Variants in PTPN4 observed in about 807,000 individuals in gnomAD.
The protein encoded by PTPN4 is tyrosine-protein phosphatase non-receptor type 4.
Under a neutral mutation model 135.5 loss-of-function variants are expected in PTPN4, and 49 were observed. The ratio of observed to expected loss-of-function variants is 0.36; its 90% CI spans 0.29 to 0.46. PTPN4 has a LOEUF of 0.46. Among genes scored for constraint, PTPN4 ranks in the 20% least tolerant of loss-of-function variants. The probability of loss-of-function intolerance (pLI) is 1.00; values close to 1 mark genes in which losing one functional copy is unlikely to be tolerated. For missense variants in PTPN4, 860 were observed against 1,101.0 expected, an observed-to-expected ratio of 0.78 and a Z score of 3.10; for synonymous variants, 333 against 369.9, an observed-to-expected ratio of 0.90 and a Z score of 1.14.
chr2:119,979,133 A>G lies in PTPN4; in HGVS notation c.*2063A>G, dbSNP rs1361317923. The G allele has an allele frequency of 2.0e-5, 3 of 152,092 alleles. No homozygotes were observed. The highest frequency in any genetic ancestry group is 4.4e-5 in the Non-Finnish European group (3 of 67,954). 9.4% of individuals were successfully genotyped at this position (152,092 alleles called of 1,614,324 possible). Reference sequence around the variant, plus strand: ...ATGACATGATAAATTAAAAACTGAGAAAGTAAAATTATGTCGGGGTCTACA... The same window carrying G: ...ATGACATGATAAATTAAAAACTGAGGAAGTAAAATTATGTCGGGGTCTACA... On this transcript the variant is annotated 3_prime_UTR_variant, in exon 27 of 27. Coordinates refer to ENST00000263708, the MANE Select transcript of PTPN4 (RefSeq NM_002830.4).
At chr2:119,928,468 A>G (rs934802444) in intron 13 of PTPN4, among the ~76,000 whole-genome samples, 1 of 152,134 alleles carries the variant, frequency 6.6e-6, no homozygotes, top group African/African-American at 2.4e-5. Context: ...AATCAAATGC[A>G]TGAGATAATA....
intron 9 of PTPN4, among the ~76,000 whole-genome samples, chr2:119,886,398 G>A (rs771808303): frequency 3.3e-5 from 5 of 152,078 alleles, no homozygotes; most frequent in Non-Finnish European, 5.9e-5. Flanking sequence ...ATATTATACC[G>A]TGTGACTTCT....
At position 119,960,820 on chromosome 2, in the gene PTPN4, C is replaced by T. The variant is rs1679354993; in HGVS notation, c.2147C>T (p.Ser716Phe). 2 of 1,605,210 alleles carry T rather than the reference C, an allele frequency of 1.2e-6. No homozygotes were observed. Among genetic ancestry groups the T allele is most frequent in the African/African-American group, 1.3e-5 (1 of 74,400 alleles). Residue 716 changes from serine (S) to phenylalanine (F), a missense_variant, in exon 23 of 27, where the codon TCT (serine) becomes TTT (phenylalanine). Physicochemically the swap from Ser to Phe is radical, Grantham distance 155 (BLOSUM62 -2). Transcript: ENST00000263708. ...TTTTCTTTTTAGATGGAAATTCCTT[C>T]TTCCAGCATTATAAATCAGTACATT... ...NANYINMEIP[S>F]SSIINQYIAC...
Position 119,974,953 on chromosome 2 carries a change from T to C in PTPN4, c.2695-2031T>C, listed in dbSNP as rs1483460203. Among the ~76,000 whole-genome samples the C allele has an allele frequency of 4.6e-5, 7 of 152,322 alleles. No homozygotes were observed. The South Asian group carries it at 1.4e-3, about 32-fold the overall frequency. ...AATGAAAGACTTAGAATATCACAAA[T>C]ACTCCACATTACACAACTGTTTCAG... is the stretch of plus-strand genomic sequence containing the variant. On this transcript the variant is annotated intron_variant, in intron 26 of 26. Coordinates refer to ENST00000263708, the MANE Select transcript of PTPN4 (RefSeq NM_002830.4).
At chr2:119,780,885 A>C (rs1690925179) in intron 1 of PTPN4, among the ~76,000 whole-genome samples, 1 of 152,220 alleles carries the variant, frequency 6.6e-6, no homozygotes, top group Non-Finnish European at 1.5e-5. Context: ...GTCTTGCCTG[A>C]ATCAGTTATA....
At chr2:119,876,441 GA>G (rs1453034149) in intron 3 of PTPN4, among the ~76,000 whole-genome samples, 2 of 152,080 alleles carry the variant, frequency 1.3e-5, no homozygotes, top group Non-Finnish European at 2.9e-5. Context: ...CAGTGGAGAG[GA>G]AATCATTGTT....
intron 14 of PTPN4, among the ~76,000 whole-genome samples, chr2:119,933,324 T>C (rs1414819400): frequency 6.6e-6 from 1 of 152,220 alleles, no homozygotes; most frequent in Non-Finnish European, 1.5e-5. Context: ...AAATATAATA[T>C]TTGAAGATGT....
At position 119,980,154 on chromosome 2, in the gene PTPN4, T is replaced by G. The variant is rs1679670685; in HGVS notation, c.*3084T>G. 6.6e-6 allele frequency: 1 copy of G among 152,078 alleles called. No individual in the cohort carries two copies. Among genetic ancestry groups the G allele is most frequent in the African/African-American group, 2.4e-5 (1 of 41,450 alleles). 9.4% of individuals were successfully genotyped at this position (152,078 alleles called of 1,614,324 possible). A position where few individuals can be genotyped will look rare whatever the true frequency, so the allele number is the denominator to read the frequency against. ...TTTTAATCAAGAGTAAAGGGAACAT[T>G]TATTACATGAAATCTGACTTCAGTT... On this transcript the variant is annotated 3_prime_UTR_variant, in exon 27 of 27. Coordinates refer to ENST00000263708, the MANE Select transcript of PTPN4 (RefSeq NM_002830.4).
intron 19 of PTPN4, among the ~76,000 whole-genome samples, chr2:119,954,395 G>A (rs540725093): frequency 6.6e-6 from 1 of 152,032 alleles, no homozygotes; most frequent in Admixed American, 6.5e-5. Context: ...TCAGTTCTGG[G>A]TCCAGATAAC....
At chr2:119,811,795 T>G (rs1676883243) in intron 2 of PTPN4, among the ~76,000 whole-genome samples, 1 of 152,138 alleles carries the variant, frequency 6.6e-6, no homozygotes, top group Admixed American at 6.5e-5. Flanking sequence ...TTGAGCACTT[T>G]AGTTAACAGT....
At chr2:119,947,946 A>G (rs1233345565) in intron 18 of PTPN4, among the ~76,000 whole-genome samples, 1 of 152,048 alleles carries the variant, frequency 6.6e-6, no homozygotes, top group Admixed American at 6.6e-5. Context: ...CTCAGTCTAA[A>G]TTATAAACTC....
In PTPN4 at chr2:119,821,153, C is replaced by T. The variant is rs199876986; in HGVS notation, c.138+11162C>T. On this transcript the variant is annotated intron_variant, in intron 2 of 26. Transcript: ENST00000263708. ...CTCTGTCACCAGGCTGGAGCAGTGG[C>T]GTGATCTCGGTTCACTGCAACCTCC... Among the ~76,000 whole-genome samples the T allele has an allele frequency of 6.9e-5, 10 of 145,546 alleles. No homozygotes were observed. In the East Asian group the frequency reaches 1.4e-3, roughly 21 times the overall value.
At chr2:119,933,139 A>G (rs1487913839) in intron 14 of PTPN4, among the ~76,000 whole-genome samples, 2 of 152,140 alleles carry the variant, frequency 1.3e-5, no homozygotes. Flanking sequence ...GGTATAAATG[A>G]TTATAAGTTC....
chr2:119,929,942 G>A (rs891681665), intron 13 of PTPN4, among the ~76,000 whole-genome samples: 5 of 151,990 alleles, frequency 3.3e-5, no homozygotes, highest in South Asian at 2.1e-4. Flanking sequence ...CTTACATTTC[G>A]TAGTTTAATA....
At chr2:119,835,859 A>G (rs1677284242) in intron 2 of PTPN4, among the ~76,000 whole-genome samples, 1 of 151,958 alleles carries the variant, frequency 6.6e-6, no homozygotes, top group Non-Finnish European at 1.5e-5. Flanking sequence ...CACGAGGTCA[A>G]GAGATCGAAA....
intron 2 of PTPN4, among the ~76,000 whole-genome samples, chr2:119,853,584 T>G (rs1677629261): frequency 6.6e-6 from 1 of 152,112 alleles, no homozygotes; most frequent in Admixed American, 6.5e-5. Flanking sequence ...CCTTCCCCCT[T>G]TATAATATAA....
intron 1 of PTPN4, among the ~76,000 whole-genome samples, chr2:119,791,692 C>G (rs1691151340): frequency 6.6e-6 from 1 of 152,096 alleles, no homozygotes; most frequent in South Asian, 2.1e-4. Context: ...TGATGAGTTA[C>G]TTTCTTTTTG....
chr2:119,939,236 C>T (rs1425734666), intron 15 of PTPN4, among the ~76,000 whole-genome samples: 1 of 152,202 alleles, frequency 6.6e-6, no homozygotes. Context: ...AGATTCTCAA[C>T]TTTATTCTTA....
In PTPN4 at chr2:119,983,596, A is replaced by G. The variant is rs1679725575; in HGVS notation, c.*6526A>G. On this transcript the variant is annotated 3_prime_UTR_variant, in exon 27 of 27. Transcript: ENST00000263708. ...TGCACTTTATTTCATGCTGACCACCAACTTAATTTATACATTTTAAAATAA... is the reference window on the plus strand; with the variant it reads ...TGCACTTTATTTCATGCTGACCACCGACTTAATTTATACATTTTAAAATAA... The G allele has an allele frequency of 6.6e-6, 1 of 152,210 alleles. No individual in the cohort carries two copies. Among genetic ancestry groups the G allele is most frequent in the African/African-American group, 2.4e-5 (1 of 41,444 alleles). The allele number at this position is 152,210 out of a possible 1,614,324, so 9.4% of individuals were successfully genotyped here. A position where few individuals can be genotyped will look rare whatever the true frequency, so the allele number is the denominator to read the frequency against.
Sources: gnomAD v4.1 joint callset for allele counts (sites outside exome capture counted in the v4.1 genomes callset) on GRCh38, gnomAD v4.1.1 for gene constraint, MANE v1.5 for transcripts, NCBI Gene and HGNC (gene_info 2026-07-23, HGNC 2026-07-21) for gene names.